CTTN: variants seen among roughly 807,000 people sequenced by gnomAD.
CTTN encodes the protein cortactin.
A neutral mutation model predicts 84.0 loss-of-function variants in CTTN; 28 were observed. The observed-to-expected ratio is 0.33, with a 90% confidence interval of 0.25 to 0.46. The LOEUF (loss-of-function observed/expected upper bound fraction) is 0.46, where lower values mean the gene tolerates loss of function less well. Ranked by LOEUF, CTTN falls within the 20% of genes least tolerant of loss-of-function variation. CTTN has a pLI of 1.00. For synonymous variants in CTTN, 301 were observed against 288.8 expected (o/e 1.04, Z -0.43); for missense variants, 641 against 723.8 (o/e 0.89, Z 1.31).
intron 1 of CTTN, among the ~76,000 whole-genome samples, chr11:70,398,816 G>C (rs1404063558): frequency 6.6e-6 from 1 of 151,730 alleles, no homozygotes; most frequent in Non-Finnish European, 1.5e-5. Flanking sequence ...GGGTCCGCGA[G>C]GGCCACGAGG....
intron 6 of CTTN, among the ~76,000 whole-genome samples, chr11:70,415,038 C>G (rs894268851): frequency 6.6e-6 from 1 of 152,154 alleles, no homozygotes; most frequent in African/African-American, 2.4e-5. Context: ...GGCTTTGCGT[C>G]CAGGTGTTGT....
intron 17 of CTTN, 40 bp from the exon 18 acceptor site, chr11:70,434,986 G>A (rs748628395): frequency 1.2e-5 from 20 of 1,608,140 alleles, no homozygotes; most frequent in Admixed American, 5.0e-5. Flanking sequence ...ACCAGGAAAC[G>A]CTTGCACTTC....
chr11:70,416,888 A>C lies in CTTN; in HGVS notation c.458-125A>C, dbSNP rs2058168425. 4 of 733,936 alleles carry C rather than the reference A, an allele frequency of 5.5e-6. No homozygotes were observed. The Admixed American group carries it at 7.5e-5, about 14-fold the overall frequency. The allele number at this position is 733,936 out of a possible 1,614,324, so 45.5% of individuals were successfully genotyped here. A position where few individuals can be genotyped will look rare whatever the true frequency, so the allele number is the denominator to read the frequency against. On this transcript the variant is annotated intron_variant, in intron 7 of 17. Coordinates refer to ENST00000301843, the MANE Select transcript of CTTN (RefSeq NM_005231.4). ...TGGAGCAGTGGGTGGCTTGTTGTAC[A>C]TTTTAAAATGTGCGCTTGATGTGTT...
Position 70,435,958 on chromosome 11 carries a change from C to T in CTTN, c.*796C>T. The T allele has an allele frequency of 7.0e-7, 1 of 1,434,048 alleles. No homozygotes were observed. Among genetic ancestry groups the T allele is most frequent in the Non-Finnish European group, 9.1e-7 (1 of 1,101,540 alleles). 88.8% of individuals were successfully genotyped at this position (1,434,048 alleles called of 1,614,324 possible). ...CAGTTGAGGTCTGCGTCGGGCTTGGCTTTTCACAAAGGCTGATGTCTTAAC... is the reference window on the plus strand; with the variant it reads ...CAGTTGAGGTCTGCGTCGGGCTTGGTTTTTCACAAAGGCTGATGTCTTAAC... On this transcript the variant is annotated 3_prime_UTR_variant, in exon 18 of 18. Coordinates refer to ENST00000301843, the MANE Select transcript of CTTN (RefSeq NM_005231.4).
chr11:70,427,148 G>C (rs551482812), intron 13 of CTTN, among the ~76,000 whole-genome samples: 70 of 151,934 alleles, frequency 4.6e-4, no homozygotes, highest in Admixed American at 7.2e-4. Flanking sequence ...TCAGGAGTTT[G>C]AGACCAGACT....
At chr11:70,425,936 A>G (rs12801756) in intron 13 of CTTN, among the ~76,000 whole-genome samples, 30,397 of 152,106 alleles carry the variant, frequency 0.2, 3,504 homozygotes, top group Admixed American at 0.26. Flanking sequence ...AATGTTATAC[A>G]TACATGAGAG....
rs1293355373 is a variant in CTTN, at chr11:70,423,098, A to G, written c.957+103A>G. 1.4e-5 allele frequency: 19 copies of G among 1,380,656 alleles called. No individual in the cohort carries two copies. In the Admixed American group the frequency reaches 1.8e-4, roughly 13 times the overall value. The allele number at this position is 1,380,656 out of a possible 1,614,324, so 85.5% of individuals were successfully genotyped here. A position where few individuals can be genotyped will look rare whatever the true frequency, so the allele number is the denominator to read the frequency against. On this transcript the variant is annotated intron_variant, in intron 12 of 17. Transcript: ENST00000301843. Reference sequence around the variant, plus strand: ...ACATCCACGCGCTGGGGTGGGGCACAAGTGATTTCCGTCGTGGTGGTGGTG... The same window carrying G: ...ACATCCACGCGCTGGGGTGGGGCACGAGTGATTTCCGTCGTGGTGGTGGTG...
In CTTN at chr11:70,400,201, G is replaced by A. The variant is rs557152432; in HGVS notation, c.-98+1587G>A. On this transcript the variant is annotated intron_variant, in intron 1 of 17. Coordinates refer to ENST00000301843, the MANE Select transcript of CTTN (RefSeq NM_005231.4). ...TTTGACCTGGGGCAGGGGTGCGGTG[G>A]CTCACACCTGTAATCCCTGCACTTT... 2.0e-5 allele frequency among the ~76,000 whole-genome samples: 3 copies of A among 152,302 alleles called. No individual in the cohort carries two copies. In the South Asian group the frequency reaches 6.2e-4, roughly 32 times the overall value.
intron 5 of CTTN, among the ~76,000 whole-genome samples, chr11:70,412,776 AC>A (rs914846216): frequency 2.0e-5 from 3 of 152,160 alleles, no homozygotes; most frequent in Non-Finnish European, 2.9e-5. Flanking sequence ...GCTTCAAGAT[AC>A]AATCTCCCCA....
chr11:70,435,491 G>A lies in CTTN; in HGVS notation c.*329G>A, dbSNP rs1179605961. 10 of 1,554,228 alleles carry A rather than the reference G, an allele frequency of 6.4e-6. No homozygotes were observed. The highest frequency in any genetic ancestry group is 4.7e-5 in the East Asian group (2 of 42,518). ...CTTCAGGGAGCTCGCATTCTCTTGTGTTCGTGTTGCCCTCGTGCCCATCAA... is the reference window on the plus strand; with the variant it reads ...CTTCAGGGAGCTCGCATTCTCTTGTATTCGTGTTGCCCTCGTGCCCATCAA... On this transcript the variant is annotated 3_prime_UTR_variant, in exon 18 of 18. Coordinates refer to ENST00000301843, the MANE Select transcript of CTTN (RefSeq NM_005231.4).
intron 1 of CTTN, among the ~76,000 whole-genome samples, chr11:70,399,177 G>A (rs1440841903): frequency 6.6e-6 from 1 of 151,566 alleles, no homozygotes; most frequent in Non-Finnish European, 1.5e-5. Context: ...CTGAGAGGGA[G>A]GTGTCTGGGT....
chr11:70,407,102 T>A (rs1377159007), intron 2 of CTTN, among the ~76,000 whole-genome samples, 196 bp from the exon 3 acceptor site: 1 of 152,192 alleles, frequency 6.6e-6, no homozygotes, highest in Non-Finnish European at 1.5e-5. Flanking sequence ...ACGGCAGTGT[T>A]AGAACCCCGA....
At chr11:70,415,992 C>G (rs2135569147) in intron 7 of CTTN, 1 of 414,614 alleles carries the variant, frequency 2.4e-6, no homozygotes, top group Non-Finnish European at 4.4e-6. Flanking sequence ...GCTTCTCCCC[C>G]TTGTAGCGGA....
At chr11:70,418,946 T>C (rs1000767850) in intron 8 of CTTN, among the ~76,000 whole-genome samples, 9 of 151,792 alleles carry the variant, frequency 5.9e-5, no homozygotes, top group Non-Finnish European at 1.3e-4. Context: ...CCAGCTAATT[T>C]TTGTATTTTT....
intron 17 of CTTN, 109 bp downstream of exon 17, chr11:70,433,827 T>G: frequency 1.3e-6 from 1 of 778,782 alleles, no homozygotes; most frequent in Non-Finnish European, 2.3e-6. Flanking sequence ...AGAAGTAATT[T>G]ATGTTGAGAT....
At chr11:70,400,262 A>T (rs1411578483) in intron 1 of CTTN, among the ~76,000 whole-genome samples, 1 of 152,090 alleles carries the variant, frequency 6.6e-6, no homozygotes, top group African/African-American at 2.4e-5. Context: ...TGAGGCCAGG[A>T]GTTCCAGACT....
At chr11:70,400,868 CG>C (rs2057970540) in intron 1 of CTTN, among the ~76,000 whole-genome samples, 1 of 152,200 alleles carries the variant, frequency 6.6e-6, no homozygotes. Context: ...TTTGAGTAAA[CG>C]GAGTAAATGT....
Position 70,407,512 on chromosome 11 carries a change from T to G in CTTN, c.88-6T>G. 6.2e-7 allele frequency: 1 copy of G among 1,614,092 alleles called. No homozygotes were observed. Among genetic ancestry groups the G allele is most frequent in the South Asian group, 1.1e-5 (1 of 91,074 alleles). The stretch of plus-strand genomic sequence containing the variant: ...TGTGAGATTTACTGGTCGCTTTTCT[T>G]TTCAGAATGATGTGAGTGAGAAGGA... On this transcript the variant is annotated splice_region_variant and splice_polypyrimidine_tract_variant and intron_variant, in intron 3 of 17. Coordinates refer to ENST00000301843, the MANE Select transcript of CTTN (RefSeq NM_005231.4).
intron 6 of CTTN, 65 bp downstream of exon 6, chr11:70,414,717 G>C: frequency 8.5e-7 from 1 of 1,175,158 alleles, no homozygotes; most frequent in Non-Finnish European, 1.3e-6. Context: ...GTAGATCTGA[G>C]CCCTGTTGGG....
Sources: gnomAD v4.1 joint callset for allele counts (sites outside exome capture counted in the v4.1 genomes callset) on GRCh38, gnomAD v4.1.1 for gene constraint, MANE v1.5 for transcripts, NCBI Gene and HGNC (gene_info 2026-07-23, HGNC 2026-07-21) for gene names.